Variants in ITSN2 observed in about 807,000 individuals in gnomAD.
ITSN2 encodes intersectin 2, also known as intersectin-2.
A neutral mutation model predicts 243.7 loss-of-function variants in ITSN2; 156 were observed. The ratio of observed to expected loss-of-function variants is 0.64; its 90% confidence interval spans 0.56 to 0.73. The LOEUF (loss-of-function observed/expected upper bound fraction) is 0.73. ITSN2 is among the 30% of genes least tolerant of loss of function. ITSN2 has a pLI of 0.00. For missense variants in ITSN2, 1,801 were observed against 1,996.1 expected, an observed-to-expected ratio of 0.90 and a Z score of 1.86; for synonymous variants, 703 against 699.9, an observed-to-expected ratio of 1.00 and a Z score of -0.07.
intron 17 of ITSN2, among the ~76,000 whole-genome samples, chr2:24,281,604 A>C (rs538156943): frequency 6.6e-6 from 1 of 152,330 alleles, no homozygotes; most frequent in East Asian, 1.9e-4. Context: ...AGGCAAAATC[A>C]CACAATTAGG....
chr2:24,262,167 A>C (rs1205036222), intron 20 of ITSN2, among the ~76,000 whole-genome samples: 1 of 152,182 alleles, frequency 6.6e-6, no homozygotes, highest in Non-Finnish European at 1.5e-5. Context: ...GGCTATGGGA[A>C]ATGAAGATTG....
intron 29 of ITSN2, among the ~76,000 whole-genome samples, chr2:24,237,232 C>G (rs898985153): frequency 1.3e-5 from 2 of 152,134 alleles, no homozygotes; most frequent in African/African-American, 4.8e-5. Context: ...AGAAAAGTAT[C>G]TAAACTAAGA....
At chr2:24,344,104 T>C (rs1024476351) in intron 1 of ITSN2, among the ~76,000 whole-genome samples, 64 of 152,236 alleles carry the variant, frequency 4.2e-4, no homozygotes, top group Non-Finnish European at 7.1e-4. Context: ...ATTACACATA[T>C]TACAGATATC....
At chr2:24,314,794 TC>T (rs2151761921) in intron 3 of ITSN2, among the ~76,000 whole-genome samples, 1 of 151,122 alleles carries the variant, frequency 6.6e-6, no homozygotes, top group African/African-American at 2.4e-5. Context: ...GAAAACAGAT[TC>T]CAGAAAAAAA....
rs1558438414 is a variant in ITSN2 at position 24,218,021 on chromosome 2, C to A, written c.3700-8G>T. 1.2e-6 allele frequency: 2 copies of A among 1,602,272 alleles called. No homozygotes were observed. Among genetic ancestry groups the A allele is most frequent in the South Asian group, 1.1e-5 (1 of 90,798 alleles). ...CATGCGTTTCTGAAAAACCTAAAGT[C>A]AAAACATAGAAAAACTAGTTAGCTT... On this transcript the variant is annotated splice_polypyrimidine_tract_variant and splice_region_variant and intron_variant, in intron 30 of 39. Coordinates refer to ENST00000355123, the MANE Select transcript of ITSN2 (RefSeq NM_006277.3).
intron 24 of ITSN2, among the ~76,000 whole-genome samples, chr2:24,252,881 T>C (rs1674528905): frequency 6.6e-6 from 1 of 152,098 alleles, no homozygotes; most frequent in Non-Finnish European, 1.5e-5. Flanking sequence ...GATAGGAAAA[T>C]ATATTTTTTA....
At chr2:24,244,970 T>C (rs1204358288) in intron 29 of ITSN2, among the ~76,000 whole-genome samples, 1 of 152,214 alleles carries the variant, frequency 6.6e-6, no homozygotes, top group Non-Finnish European at 1.5e-5. Context: ...GGTTACCTTT[T>C]ATATATTCTC....
intron 23 of ITSN2, 137 bp downstream of exon 23, chr2:24,257,751 C>T (rs1339892401): frequency 4.2e-6 from 3 of 718,988 alleles, no homozygotes; most frequent in Non-Finnish European, 4.6e-6. Flanking sequence ...GCCACCACGG[C>T]CGGCCAGAAT....
At chr2:24,273,630 C>T (rs1029363627) in intron 18 of ITSN2, 2 of 152,116 alleles carry the variant, frequency 1.3e-5, no homozygotes, top group Non-Finnish European at 2.9e-5. Context: ...GAGACTAGGA[C>T]AACCTGGATA....
At chr2:24,349,927 T>C (rs191106300) in intron 1 of ITSN2, among the ~76,000 whole-genome samples, 6 of 152,326 alleles carry the variant, frequency 3.9e-5, no homozygotes, top group Admixed American at 6.5e-5. Flanking sequence ...ACCACTGATG[T>C]AGTGAAAATA....
At chr2:24,228,122 C>G (rs1671222920) in intron 29 of ITSN2, among the ~76,000 whole-genome samples, 1 of 152,048 alleles carries the variant, frequency 6.6e-6, no homozygotes, top group African/African-American at 2.4e-5. Context: ...CATACCAGAA[C>G]ACCAAGGAGG....
chr2:24,284,859 G>A lies in ITSN2; in HGVS notation c.1864-16C>T, dbSNP rs1273453265. Reference sequence around the variant, plus strand: ...TATTCCCACACTGTAAGATAAGGCAGATAAAAAGCCAATTAAACTACGTAC... The same window carrying A: ...TATTCCCACACTGTAAGATAAGGCAAATAAAAAGCCAATTAAACTACGTAC... On this transcript the variant is annotated splice_polypyrimidine_tract_variant and intron_variant, in intron 16 of 39. Coordinates refer to ENST00000355123, the MANE Select transcript of ITSN2 (RefSeq NM_006277.3). 4 of 1,253,822 alleles carry A rather than the reference G, an allele frequency of 3.2e-6. No homozygotes were observed. The highest frequency in any genetic ancestry group is 1.3e-5 in the South Asian group (1 of 77,582). 77.7% of individuals were successfully genotyped at this position (1,253,822 alleles called of 1,614,324 possible). A position where few individuals can be genotyped will look rare whatever the true frequency, so the allele number is the denominator to read the frequency against.
chr2:24,310,517 C>G lies in ITSN2; in HGVS notation c.528G>C (p.Gln176His). 1 of 1,614,092 alleles carries G rather than the reference C, an allele frequency of 6.2e-7. No homozygotes were observed. The highest frequency in any genetic ancestry group is 8.5e-7 in the Non-Finnish European group (1 of 1,180,008). Residue 176 changes from glutamine (Q) to histidine (H), a missense_variant, in exon 6 of 40, where the codon CAG (glutamine) becomes CAC (histidine). Gln to His is a conservative substitution (Grantham distance 24, BLOSUM62 0). This residue lies in a region of ITSN2 where 787 missense variants were observed against 803.9 expected (regional missense o/e 0.98). Coordinates refer to ENST00000355123, the MANE Select transcript of ITSN2 (RefSeq NM_006277.3). ...SLPNGTASLI[Q>H]PLPIPYSSST... ...AAGAAGAATAAGGAATGGGTAAAGGCTGAATGAGACTGGCGGTTCCATTTG... is the reference window on the plus strand; with the variant it reads ...AAGAAGAATAAGGAATGGGTAAAGGGTGAATGAGACTGGCGGTTCCATTTG...
chr2:24,289,082 G>A (rs1679911828), intron 15 of ITSN2, among the ~76,000 whole-genome samples: 1 of 152,116 alleles, frequency 6.6e-6, no homozygotes, highest in African/African-American at 2.4e-5. Flanking sequence ...TCTTTCTCAA[G>A]ATTGCTTTGG....
chr2:24,301,178 C>T lies in ITSN2; in HGVS notation c.1057G>A (p.Glu353Lys), dbSNP rs1465539128. Residue 353 changes from glutamate to lysine, a missense_variant, in exon 11 of 40, where the codon GAG becomes AAG. This residue lies in a region of ITSN2 where 787 missense variants were observed against 803.9 expected (regional missense o/e 0.98). Coordinates refer to ENST00000355123, the MANE Select transcript of ITSN2 (RefSeq NM_006277.3). ...CCTGGTAATTTCTTCTGAGGCTCCTCTTCTTGCATTTTCTGATATGAAGGC... is the reference window on the plus strand; with the variant it reads ...CCTGGTAATTTCTTCTGAGGCTCCTTTTCTTGCATTTTCTGATATGAAGGC... ...TLPSYQKMQEEEPQKKLPVTF... is the reference protein window; with the variant it reads ...TLPSYQKMQEKEPQKKLPVTF... The T allele has an allele frequency of 6.2e-7, 1 of 1,607,536 alleles. No homozygotes were observed. The highest frequency in any genetic ancestry group is 2.2e-5 in the East Asian group (1 of 44,736).
chr2:24,289,893 C>A (rs1053586282), intron 15 of ITSN2, among the ~76,000 whole-genome samples: 10 of 152,142 alleles, frequency 6.6e-5, no homozygotes, highest in Non-Finnish European at 1.0e-4. Flanking sequence ...AGATTAGACA[C>A]CCCGATCTTA....
intron 7 of ITSN2, among the ~76,000 whole-genome samples, chr2:24,309,558 T>C (rs1021428084): frequency 7.9e-5 from 12 of 152,206 alleles, no homozygotes; most frequent in African/African-American, 2.7e-4. Flanking sequence ...ATCACTATTC[T>C]TAGTAAAGCA....
intron 17 of ITSN2, among the ~76,000 whole-genome samples, chr2:24,282,365 G>A (rs1678894948): frequency 1.3e-5 from 2 of 152,144 alleles, no homozygotes; most frequent in Non-Finnish European, 2.9e-5. Context: ...CCGACTCCAG[G>A]GTAAAACCGT....
chr2:24,261,747 G>A lies in ITSN2; in HGVS notation c.2356-5C>T, dbSNP rs372048773. The A allele has an allele frequency of 1.7e-5, 28 of 1,605,166 alleles. No individual in the cohort carries two copies. The African/African-American group carries it at 2.6e-4, about 15-fold the overall frequency. ...TCCTACGGTTTTTTCATCAACCTACGGAAATAAAAAGAAGGATTAACAGTG... is the reference window on the plus strand; with the variant it reads ...TCCTACGGTTTTTTCATCAACCTACAGAAATAAAAAGAAGGATTAACAGTG... On this transcript the variant is annotated splice_region_variant and splice_polypyrimidine_tract_variant and intron_variant, in intron 20 of 39. Transcript: ENST00000355123.
Sources: allele counts gnomAD v4.1 joint callset (sites outside exome capture counted in the v4.1 genomes callset), GRCh38; gene constraint gnomAD v4.1.1; regional missense constraint gnomAD v4.1.1; transcripts MANE v1.5; gene names NCBI Gene and HGNC (gene_info 2026-07-23, HGNC 2026-07-21).